The following ADAMTS17 variants were observed in gnomAD, a reference collection of about 807,000 sequenced individuals.
The protein encoded by ADAMTS17 is A disintegrin and metalloproteinase with thrombospondin motifs 17.
Under a neutral mutation model 141.5 loss-of-function variants are expected in ADAMTS17, and 113 were observed. The observed-to-expected ratio is 0.80, with a 90% CI of 0.69 to 0.93. The LOEUF is 0.93. Among genes scored for constraint, ADAMTS17 ranks in the 40% least tolerant of loss-of-function variants. ADAMTS17 has a pLI of 0.00. For missense variants in ADAMTS17, 1,659 were observed against 1,517.9 expected (o/e 1.09, Z -1.54); for synonymous variants, 768 against 630.6 (o/e 1.22, Z -3.27).
chr15:100,067,964 C>A (rs563139329), intron 15 of ADAMTS17, among the ~76,000 whole-genome samples: 2 of 152,304 alleles, frequency 1.3e-5, no homozygotes, highest in East Asian at 3.9e-4. Context: ...CATCCCATCA[C>A]CCGGGAAGCG....
chr15:100,155,350 T>C (rs766990534), intron 8 of ADAMTS17, 30 bp from the exon 9 acceptor site: 38 of 1,606,030 alleles, frequency 2.4e-5, no homozygotes, highest in Non-Finnish European at 8.5e-7. Context: ...GAGGGATGCT[T>C]ATGCTACAAG....
chr15:100,093,191 C>T (rs12913806), intron 15 of ADAMTS17, among the ~76,000 whole-genome samples: 30,629 of 152,014 alleles, frequency 0.2, 3,752 homozygotes, highest in East Asian at 0.52. Flanking sequence ...TGGTGCCACA[C>T]TGGGACCTGT....
At chr15:100,173,841 G>C (rs1233511779) in intron 8 of ADAMTS17, among the ~76,000 whole-genome samples, 3 of 152,156 alleles carry the variant, frequency 2.0e-5, no homozygotes, top group Non-Finnish European at 4.4e-5. Flanking sequence ...AGGCTCTTTG[G>C]AGTACAGGCC....
At chr15:100,316,797 TCA>T (rs10558829) in intron 3 of ADAMTS17, among the ~76,000 whole-genome samples, 12,093 of 152,266 alleles carry the variant, frequency 0.079, 1,169 homozygotes, top group African/African-American at 0.23. Context: ...TCCCTCTCTC[TCA>T]GAGATGAGGA....
chr15:100,145,460 G>T (rs2038856227), intron 10 of ADAMTS17, among the ~76,000 whole-genome samples: 1 of 152,204 alleles, frequency 6.6e-6, no homozygotes, highest in South Asian at 2.1e-4. Flanking sequence ...GAAGAATACT[G>T]CTGAGAATTT....
rs1330193700 is a variant in ADAMTS17 at position 99,972,963 on chromosome 15, C to G, written c.*1439G>C. 2.6e-5 allele frequency: 4 copies of G among 152,168 alleles called. No individual in the cohort carries two copies. Among genetic ancestry groups the G allele is most frequent in the Non-Finnish European group, 4.4e-5 (3 of 68,044 alleles). The allele number at this position is 152,168 out of a possible 1,614,324, so 9.4% of individuals were successfully genotyped here. On this transcript the variant is annotated 3_prime_UTR_variant, in exon 22 of 22. Transcript: ENST00000268070. The stretch of plus-strand genomic sequence containing the variant: ...CCAAGTGAGACCTTCCGTCTGAAAT[C>G]AGGGAGGAGGTGTTATTTACGGTAA...
intron 13 of ADAMTS17, among the ~76,000 whole-genome samples, chr15:100,110,423 CCTGG>C (rs1476205531): frequency 6.6e-6 from 1 of 151,534 alleles, no homozygotes; most frequent in African/African-American, 2.4e-5. Flanking sequence ...CGCCACCATG[CCTGG>C]CTAATTTTTT....
In ADAMTS17 at chr15:99,974,335, G is replaced by C. The variant is rs2060273885; in HGVS notation, c.*67C>G. ...CGGGTGGGGGCGTGGCCACAAGGCTGGTAGGCTTGCGGGTGGGTGGGTTTC... is the reference window on the plus strand; with the variant it reads ...CGGGTGGGGGCGTGGCCACAAGGCTCGTAGGCTTGCGGGTGGGTGGGTTTC... On this transcript the variant is annotated 3_prime_UTR_variant, in exon 22 of 22. Transcript: ENST00000268070. 4 of 1,605,904 alleles carry C rather than the reference G, an allele frequency of 2.5e-6. No individual in the cohort carries two copies. The South Asian group carries it at 4.4e-5, about 18-fold the overall frequency.
At chr15:100,185,348 T>C (rs377275183) in intron 8 of ADAMTS17, among the ~76,000 whole-genome samples, 2 of 152,302 alleles carry the variant, frequency 1.3e-5, no homozygotes, top group Admixed American at 6.5e-5. Flanking sequence ...AGGGTACACA[T>C]GTGTTTTAAG....
At chr15:100,236,089 C>T (rs1225561209) in intron 7 of ADAMTS17, among the ~76,000 whole-genome samples, 1 of 152,102 alleles carries the variant, frequency 6.6e-6, no homozygotes, top group African/African-American at 2.4e-5. Flanking sequence ...ACTCAATTAC[C>T]ATCTCTAATT....
intron 3 of ADAMTS17, among the ~76,000 whole-genome samples, chr15:100,303,703 T>A (rs182761654): frequency 3.9e-5 from 6 of 152,286 alleles, no homozygotes; most frequent in Admixed American, 6.5e-5. Context: ...TCAGCTTTTT[T>A]AAAATTTATT....
intron 15 of ADAMTS17, among the ~76,000 whole-genome samples, chr15:100,077,714 A>C (rs2034474876): frequency 6.6e-6 from 1 of 152,196 alleles, no homozygotes; most frequent in Admixed American, 6.5e-5. Flanking sequence ...GAACAAGACA[A>C]GGACGTCCTG....
At chr15:100,005,467 C>T (rs1054924031) in intron 18 of ADAMTS17, among the ~76,000 whole-genome samples, 2 of 152,136 alleles carry the variant, frequency 1.3e-5, no homozygotes, top group South Asian at 4.1e-4. Flanking sequence ...CACGCTGCCC[C>T]ACTCCTTGGC....
chr15:100,244,938 G>A (rs941989236), intron 7 of ADAMTS17, among the ~76,000 whole-genome samples: 1 of 152,110 alleles, frequency 6.6e-6, no homozygotes, highest in African/African-American at 2.4e-5. Flanking sequence ...TCGTGTTTTC[G>A]GGGAGGGCTT....
intron 8 of ADAMTS17, among the ~76,000 whole-genome samples, chr15:100,177,991 C>A (rs1596196598): frequency 7.5e-6 from 1 of 133,628 alleles, no homozygotes; most frequent in African/African-American, 3.0e-5. Context: ...CTGTTTTTTT[C>A]CCACAATGAA....
chr15:100,081,995 A>G (rs761192565), intron 15 of ADAMTS17, among the ~76,000 whole-genome samples: 3 of 152,172 alleles, frequency 2.0e-5, no homozygotes, highest in Non-Finnish European at 4.4e-5. Flanking sequence ...CAGACTCTTT[A>G]CTTACTAGAC....
intron 7 of ADAMTS17, among the ~76,000 whole-genome samples, chr15:100,220,518 A>G (rs1364147043): frequency 1.3e-5 from 2 of 152,234 alleles, no homozygotes; most frequent in African/African-American, 4.8e-5. Context: ...TTGTATTAGG[A>G]TATAATTCAC....
At chr15:100,179,704 T>G (rs1383434413) in intron 8 of ADAMTS17, among the ~76,000 whole-genome samples, 1 of 152,248 alleles carries the variant, frequency 6.6e-6, no homozygotes. Flanking sequence ...TTGCCAGCAT[T>G]TGTTATTGCC....
intron 10 of ADAMTS17, among the ~76,000 whole-genome samples, chr15:100,145,971 G>A (rs991683737): frequency 2.6e-4 from 39 of 152,172 alleles, no homozygotes; most frequent in African/African-American, 8.0e-4. Flanking sequence ...TCAGGAGTTC[G>A]TGACCAGCCT....
Sources: allele counts gnomAD v4.1 joint callset (sites outside exome capture counted in the v4.1 genomes callset), GRCh38; gene constraint gnomAD v4.1.1; transcripts MANE v1.5; gene names NCBI Gene and HGNC (gene_info 2026-07-23, HGNC 2026-07-21).